Variants in STEAP1B observed in about 807,000 individuals in gnomAD.
The protein encoded by STEAP1B is STEAP family member 1B, also known as STEAP family protein MGC87042.
STEAP1B carries 13 observed loss-of-function variants against 27.9 expected under a neutral mutation model. That is an observed-to-expected ratio of 0.47 (90% confidence interval 0.30 to 0.74). The LOEUF is 0.74. Ranked by LOEUF, STEAP1B falls within the 30% of genes least tolerant of loss-of-function variation. STEAP1B has a pLI of 0.06. For missense variants in STEAP1B, 250 were observed against 298.7 expected, an observed-to-expected ratio of 0.84 and a Z score of 1.20; for synonymous variants, 86 against 107.1, an observed-to-expected ratio of 0.80 and a Z score of 1.22.
intron 4 of STEAP1B, among the ~76,000 whole-genome samples, chr7:22,434,385 T>A (rs1785228294): frequency 6.6e-6 from 1 of 152,202 alleles, no homozygotes; most frequent in Admixed American, 6.5e-5. Context: ...TGATCCCACA[T>A]GGGCCCCATA....
chr7:22,468,765 G>C (rs1464879072), intron 4 of STEAP1B, among the ~76,000 whole-genome samples: 2 of 152,206 alleles, frequency 1.3e-5, no homozygotes, highest in African/African-American at 4.8e-5. Flanking sequence ...AGTACCATGA[G>C]ATTATAATGG....
At chr7:22,420,804 A>T (rs1785034781) in intron 4 of STEAP1B, among the ~76,000 whole-genome samples, 1 of 152,220 alleles carries the variant, frequency 6.6e-6, no homozygotes, top group African/African-American at 2.4e-5. Flanking sequence ...AATCACTTAC[A>T]TGTATAAACT....
intron 4 of STEAP1B, among the ~76,000 whole-genome samples, chr7:22,445,700 C>T (rs1785399373): frequency 6.6e-6 from 1 of 152,266 alleles, no homozygotes; most frequent in African/African-American, 2.4e-5. Flanking sequence ...GCAAGAGCAG[C>T]AGGGAGGGCA....
chr7:22,443,122 TTCC>T (rs577113005), intron 4 of STEAP1B, among the ~76,000 whole-genome samples: 265 of 152,314 alleles, frequency 1.7e-3, no homozygotes, highest in African/African-American at 6.0e-3. Context: ...CTAATCCTGC[TTCC>T]TCCTCATCTT....
chr7:22,477,047 T>G (rs986612601), intron 4 of STEAP1B, among the ~76,000 whole-genome samples: 1 of 152,216 alleles, frequency 6.6e-6, no homozygotes, highest in Non-Finnish European at 1.5e-5. Flanking sequence ...TGCAGCTTTC[T>G]GCTGAGTAAC....
At chr7:22,430,641 T>C (rs932237656) in intron 4 of STEAP1B, among the ~76,000 whole-genome samples, 1 of 152,226 alleles carries the variant, frequency 6.6e-6, no homozygotes, top group Non-Finnish European at 1.5e-5. Context: ...GTTAGAGTCA[T>C]GATGGCTAAT....
At chr7:22,489,770 T>C (rs552495334) in intron 4 of STEAP1B, among the ~76,000 whole-genome samples, 8 of 152,220 alleles carry the variant, frequency 5.3e-5, no homozygotes, top group Non-Finnish European at 1.2e-4. Flanking sequence ...ATATGAAGTT[T>C]AGAGCAGTTT....
At chr7:22,475,201 C>T (rs2128411861) in intron 4 of STEAP1B, among the ~76,000 whole-genome samples, 1 of 152,320 alleles carries the variant, frequency 6.6e-6, no homozygotes, top group African/African-American at 2.4e-5. Context: ...CGTGTGGCTG[C>T]TCCTAACGGG....
chr7:22,488,847 G>A (rs540376895), intron 4 of STEAP1B, among the ~76,000 whole-genome samples: 3 of 152,210 alleles, frequency 2.0e-5, no homozygotes, highest in South Asian at 4.1e-4. Context: ...CAGTGCACAT[G>A]AAGGTGGAGG....
intron 1 of STEAP1B, among the ~76,000 whole-genome samples, chr7:22,499,697 C>T (rs1035727639): frequency 6.6e-6 from 1 of 152,182 alleles, no homozygotes; most frequent in Non-Finnish European, 1.5e-5. Context: ...ACCAGGAAAC[C>T]CGAAGACGAG....
chr7:22,442,212 A>C lies in STEAP1B; in HGVS notation c.763-22376T>G, dbSNP rs143711387. 2.8e-4 allele frequency among the ~76,000 whole-genome samples: 43 copies of C among 152,368 alleles called. 1 individual carries two copies. The highest frequency in any genetic ancestry group is 1.0e-3 in the African/African-American group (42 of 41,590). ...CAGTGAGCGGAAGTGCCTACCACAC[A>C]GCTTCATATTCATAGCCCAGGACTG... On this transcript the variant is annotated intron_variant, in intron 4 of 4. Transcript: ENST00000678116.
intron 4 of STEAP1B, among the ~76,000 whole-genome samples, chr7:22,489,703 T>C (rs533983114): frequency 6.6e-6 from 1 of 152,334 alleles, no homozygotes; most frequent in East Asian, 1.9e-4. Flanking sequence ...GAGACAGACC[T>C]GGAACAGGCT....
intron 4 of STEAP1B, among the ~76,000 whole-genome samples, chr7:22,457,838 G>A (rs1785613116): frequency 6.6e-6 from 1 of 152,190 alleles, no homozygotes; most frequent in Non-Finnish European, 1.5e-5. Context: ...TGATGACATG[G>A]TATTAGAAAA....
intron 4 of STEAP1B, among the ~76,000 whole-genome samples, chr7:22,491,328 T>C (rs1385610457): frequency 6.6e-6 from 1 of 152,252 alleles, no homozygotes; most frequent in African/African-American, 2.4e-5. Context: ...TGAAAAGAAA[T>C]ATAAGCCATT....
Position 22,438,740 on chromosome 7 carries a change from T to A in STEAP1B, c.763-18904A>T, listed in dbSNP as rs922221730. 2.9e-5 allele frequency: 45 copies of A among 1,551,456 alleles called. No homozygotes were observed. In the East Asian group the frequency reaches 1.1e-3, roughly 38 times the overall value. On this transcript the variant is annotated intron_variant, in intron 4 of 4. Coordinates refer to ENST00000678116, the MANE Select transcript of STEAP1B (RefSeq NM_001382447.1). ...TGAAAGTTGCACAAAGCTACCAGGC[T>A]TCCAGTCAGTATAGCCTAGAAAATG...
chr7:22,428,354 C>A (rs557474792), intron 4 of STEAP1B, among the ~76,000 whole-genome samples: 2 of 152,190 alleles, frequency 1.3e-5, no homozygotes, highest in African/African-American at 4.8e-5. Flanking sequence ...GAAAACTTGA[C>A]TGTTCTCATT....
chr7:22,451,328 C>T (rs1193855368), intron 4 of STEAP1B, among the ~76,000 whole-genome samples: 1 of 151,238 alleles, frequency 6.6e-6, no homozygotes, highest in African/African-American at 2.4e-5. Flanking sequence ...TTAGGTTTTT[C>T]CAAATAAAAG....
chr7:22,438,618 C>T, intron 4 of STEAP1B: 1 of 1,552,136 alleles, frequency 6.4e-7, no homozygotes, highest in Non-Finnish European at 8.7e-7. Flanking sequence ...ATATATAACT[C>T]CTAGTCTTGG....
At chr7:22,425,963 T>C (rs993554694) in intron 4 of STEAP1B, among the ~76,000 whole-genome samples, 2 of 152,254 alleles carry the variant, frequency 1.3e-5, no homozygotes, top group African/African-American at 4.8e-5. Flanking sequence ...TGGAGACTGT[T>C]ATGTTGCTAC....
Sources: gnomAD v4.1 joint callset for allele counts (sites outside exome capture counted in the v4.1 genomes callset) on GRCh38, gnomAD v4.1.1 for gene constraint, MANE v1.5 for transcripts, NCBI Gene and HGNC (gene_info 2026-07-23, HGNC 2026-07-21) for gene names.